Variants in RAB11FIP3 observed in about 807,000 individuals in gnomAD.
The protein encoded by RAB11FIP3 is rab11 family-interacting protein 3.
RAB11FIP3 carries 17 observed loss-of-function variants against 77.8 expected under a neutral mutation model. That is an observed-to-expected ratio of 0.22 (90% CI 0.15 to 0.33). RAB11FIP3 has a LOEUF of 0.33. Ranked by LOEUF, RAB11FIP3 falls within the 10% of genes least tolerant of loss-of-function variation. The probability of loss-of-function intolerance (pLI) is 1.00; values close to 1 mark genes in which losing one functional copy is unlikely to be tolerated. For missense variants in RAB11FIP3, 1,005 were observed against 1,011.2 expected (o/e 0.99, Z 0.08); for synonymous variants, 437 against 448.2 (o/e 0.98, Z 0.31).
chr16:441,273 A>G (rs2055222207), intron 1 of RAB11FIP3, among the ~76,000 whole-genome samples: 2 of 152,064 alleles, frequency 1.3e-5, no homozygotes, highest in South Asian at 4.1e-4. Context: ...GTTCCTGATC[A>G]CTCAGTAACC....
chr16:460,645 C>G (rs1302454562), intron 1 of RAB11FIP3, among the ~76,000 whole-genome samples: 1 of 152,180 alleles, frequency 6.6e-6, no homozygotes, highest in African/African-American at 2.4e-5. Context: ...CTACCAAGGA[C>G]TCTGCAGAGC....
At position 520,869 on chromosome 16, in the gene RAB11FIP3, C is replaced by T. The variant is rs775183987; in HGVS notation, c.*30C>T. 13 of 1,579,006 alleles carry T rather than the reference C, an allele frequency of 8.2e-6. No homozygotes were observed. Among genetic ancestry groups the T allele is most frequent in the Admixed American group, 5.0e-5 (3 of 59,906 alleles). ...AGGAAGGTCCAGCCTGAGCTGGATT[C>T]GGGACTCCAACACCCTGGAGTGGTT... On this transcript the variant is annotated 3_prime_UTR_variant, in exon 14 of 14. Transcript: ENST00000262305.
At chr16:467,326 C>T (rs573573760) in intron 2 of RAB11FIP3, among the ~76,000 whole-genome samples, 113 of 152,282 alleles carry the variant, frequency 7.4e-4, no homozygotes, top group African/African-American at 2.6e-3. Context: ...GGTGGGGCAT[C>T]CCTGAGAGCT....
intron 2 of RAB11FIP3, among the ~76,000 whole-genome samples, chr16:462,100 G>A (rs557510664): frequency 1.3e-5 from 2 of 152,232 alleles, no homozygotes; most frequent in African/African-American, 2.4e-5. Context: ...CTGGCAGTGC[G>A]GAGCCTGTCA....
Position 488,810 on chromosome 16 carries a change from G to A in RAB11FIP3, c.1116-41G>A, listed in dbSNP as rs755677000. The A allele has an allele frequency of 8.8e-6, 14 of 1,596,248 alleles. No individual in the cohort carries two copies. In the South Asian group the frequency reaches 1.5e-4, roughly 17 times the overall value. ...CACACCCTCAGCTCGGGGGTGCCCT[G>A]GCCTTCAGTCAGAAGACATCATTTC... On this transcript the variant is annotated intron_variant, in intron 4 of 13. Transcript: ENST00000262305.
intron 3 of RAB11FIP3, among the ~76,000 whole-genome samples, chr16:474,340 T>C (rs1018760805): frequency 6.6e-6 from 1 of 152,182 alleles, no homozygotes; most frequent in African/African-American, 2.4e-5. Context: ...AATGTGCAGT[T>C]AGTCATGGCC....
At chr16:518,669 T>C (rs2032527848) in intron 9 of RAB11FIP3, among the ~76,000 whole-genome samples, 1 of 152,130 alleles carries the variant, frequency 6.6e-6, no homozygotes, top group Non-Finnish European at 1.5e-5. Flanking sequence ...GAGCTTGCAG[T>C]GAGCTGAGAT....
At position 468,065 on chromosome 16, in the gene RAB11FIP3, CAGGGAAGTG is replaced by C. The variant is rs1246294719; in HGVS notation, c.809-3224_809-3216del. On this transcript the variant is annotated intron_variant, in intron 2 of 13. Coordinates refer to ENST00000262305, the MANE Select transcript of RAB11FIP3 (RefSeq NM_014700.4). ...AGGTGCAGGGGCGTTGGAGGAGGTG[CAGGGAAGTG>C]AGGGAGGAGGTGCAGGGGCGTCAGG... 7.8e-4 allele frequency among the ~76,000 whole-genome samples: 24 copies of C among 30,654 alleles called. 2 individuals carry two copies. Among genetic ancestry groups the C allele is most frequent in the African/African-American group, 9.4e-4 (7 of 7,422 alleles). 20.1% of individuals were successfully genotyped at this position (30,654 alleles called of 152,430 possible).
chr16:455,763 G>A (rs2055493320), intron 1 of RAB11FIP3, among the ~76,000 whole-genome samples: 2 of 152,032 alleles, frequency 1.3e-5, no homozygotes, highest in Non-Finnish European at 2.9e-5. Context: ...GAATTTTTTG[G>A]AATTTTTTGT....
In RAB11FIP3 at chr16:519,033, CCAACAGCCTGGAGCTGT is replaced by C; in HGVS notation, c.1722+10_1722+26del. Reference sequence around the variant, plus strand: ...TTGAGCGTCTGGAGGAGGTGAGCTGCCAACAGCCTGGAGCTGTGGCCAGTGGGGCCAGCCCATGCCCT... The same window carrying C: ...TTGAGCGTCTGGAGGAGGTGAGCTGCGGCCAGTGGGGCCAGCCCATGCCCT... On this transcript the variant is annotated intron_variant, in intron 10 of 13. Transcript: ENST00000262305. The C allele has an allele frequency of 6.2e-7, 1 of 1,612,906 alleles. No homozygotes were observed. The highest frequency in any genetic ancestry group is 8.5e-7 in the Non-Finnish European group (1 of 1,179,842).
In RAB11FIP3 at chr16:482,624, G is replaced by C. The variant is rs140192106; in HGVS notation, c.1003G>C (p.Glu335Gln). The change falls in exon 4 of 14, where the codon GAG becomes CAG. Residue 335 changes from glutamate to glutamine, a missense_variant. By Grantham distance (29) the Glu-to-Gln change is conservative. Coordinates refer to ENST00000262305, the MANE Select transcript of RAB11FIP3 (RefSeq NM_014700.4). ...DEDTSTLVHP[E>Q]LQPEGDADSA... Reference sequence around the variant, plus strand: ...GGACACCAGCACCCTGGTGCACCCTGAGCTGCAACCTGAAGGGGACGCAGA... The same window carrying C: ...GGACACCAGCACCCTGGTGCACCCTCAGCTGCAACCTGAAGGGGACGCAGA... 1 of 1,613,422 alleles carries C rather than the reference G, an allele frequency of 6.2e-7. No individual in the cohort carries two copies. Among genetic ancestry groups the C allele is most frequent in the African/African-American group, 1.3e-5 (1 of 74,956 alleles).
At chr16:439,137 C>T (rs1258118052) in intron 1 of RAB11FIP3, among the ~76,000 whole-genome samples, 1 of 152,178 alleles carries the variant, frequency 6.6e-6, no homozygotes, top group African/African-American at 2.4e-5. Flanking sequence ...AGGTGTGCAC[C>T]ACTGTACTTG....
intron 2 of RAB11FIP3, among the ~76,000 whole-genome samples, chr16:468,142 GGGAGGAGGTGCAGGGGCC>G (rs2055743704): frequency 3.3e-5 from 3 of 90,242 alleles, no homozygotes; most frequent in Non-Finnish European, 4.6e-5. Flanking sequence ...AGGGGCCTCA[GGGAGGAGGTGCAGGGGCC>G]TCAGGGAGGA....
chr16:483,723 T>TCTGCTGC (rs929079045), intron 4 of RAB11FIP3, among the ~76,000 whole-genome samples: 1 of 152,038 alleles, frequency 6.6e-6, no homozygotes, highest in African/African-American at 2.4e-5. Flanking sequence ...CCTTGTGAGG[T>TCTGCTGC]CTGCTGCCTG....
At chr16:430,705 T>G (rs749020502) in intron 1 of RAB11FIP3, among the ~76,000 whole-genome samples, 2 of 152,080 alleles carry the variant, frequency 1.3e-5, no homozygotes, top group Non-Finnish European at 2.9e-5. Flanking sequence ...TAGGCAGGCA[T>G]GACCATGCTC....
At chr16:445,113 C>CA (rs56706849) in intron 1 of RAB11FIP3, among the ~76,000 whole-genome samples, 38,223 of 70,660 alleles carry the variant, frequency 0.54, 10,343 homozygotes, top group Non-Finnish European at 0.62. Context: ...GACTCTGTCT[C>CA]AAAAAAAAAA....
intron 2 of RAB11FIP3, among the ~76,000 whole-genome samples, chr16:470,979 C>CTTT (rs56315622): frequency 0.02 from 2,993 of 147,662 alleles, 103 homozygotes; most frequent in East Asian, 0.15. Context: ...ATGTCTTGCT[C>CTTT]TTTTTTTTTT....
intron 1 of RAB11FIP3, among the ~76,000 whole-genome samples, chr16:458,378 A>C (rs899828406): frequency 6.6e-6 from 1 of 150,728 alleles, no homozygotes; most frequent in African/African-American, 2.4e-5. Flanking sequence ...CGGCATCTGG[A>C]CTTCACCACA....
intron 9 of RAB11FIP3, among the ~76,000 whole-genome samples, chr16:515,970 C>T (rs1032964048): frequency 8.5e-5 from 13 of 152,326 alleles, no homozygotes; most frequent in African/African-American, 2.6e-4. Context: ...ACCGAGCGCC[C>T]GGGTCCTCCT....
Sources: gnomAD v4.1 joint callset for allele counts (sites outside exome capture counted in the v4.1 genomes callset) on GRCh38, gnomAD v4.1.1 for gene constraint, MANE v1.5 for transcripts, NCBI Gene and HGNC (gene_info 2026-07-23, HGNC 2026-07-21) for gene names.